The following RIOK2 variants were observed in gnomAD, a reference collection of about 807,000 sequenced individuals.
RIOK2 encodes the protein serine/threonine-protein kinase RIO2.
RIOK2 carries 46 observed loss-of-function variants against 62.4 expected under a neutral mutation model. The observed-to-expected ratio is 0.74, with a 90% CI of 0.58 to 0.94. The LOEUF (loss-of-function observed/expected upper bound fraction) is 0.94, where lower values mean the gene tolerates loss of function less well. Ranked by LOEUF, RIOK2 falls within the 40% of genes least tolerant of loss-of-function variation. The pLI is 0.00. For missense variants in RIOK2, 574 were observed against 658.0 expected, an observed-to-expected ratio of 0.87 and a Z score of 1.40; for synonymous variants, 197 against 216.0, an observed-to-expected ratio of 0.91 and a Z score of 0.77.
chr5:97,171,464 T>C (rs1300935976), intron 5 of RIOK2, 67 bp from the exon 6 acceptor site: 23 of 1,119,978 alleles, frequency 2.1e-5, no homozygotes, highest in Non-Finnish European at 4.9e-6. Context: ...AAAGTATGTA[T>C]GCATGTGAAC....
At chr5:97,179,987 TATAA>T (rs1490058637) in intron 1 of RIOK2, among the ~76,000 whole-genome samples, 99 of 50,450 alleles carry the variant, frequency 2.0e-3, no homozygotes, top group Non-Finnish European at 2.4e-3. Flanking sequence ...AATATATATA[TATAA>T]AATATATATA....
At position 97,165,076 on chromosome 5, in the gene RIOK2, G is replaced by A. The variant is rs1484374252; in HGVS notation, c.1469C>T (p.Ala490Val). ...RTLSITSSGS[A>V]VSCSTIPPEL... ...TGGAGGAATTGTTGAACAGCTTACA[G>A]CACTGCCTGAAGAAGTGATACTCAG... The change falls in exon 9 of 10, where the codon GCT becomes GTT. Residue 490 changes from alanine (A) to valine (V), a missense_variant. Ala to Val is a moderately conservative substitution (Grantham distance 64). Coordinates refer to ENST00000283109, the MANE Select transcript of RIOK2 (RefSeq NM_018343.3). The A allele has an allele frequency of 6.3e-7, 1 of 1,592,784 alleles. No homozygotes were observed. The highest frequency in any genetic ancestry group is 8.5e-7 in the Non-Finnish European group (1 of 1,169,682).
Position 97,179,080 on chromosome 5 carries a change from T to A in RIOK2, c.180A>T (p.Lys60Asn). 1.2e-6 allele frequency: 2 copies of A among 1,613,906 alleles called. No individual in the cohort carries two copies. The highest frequency in any genetic ancestry group is 1.7e-6 in the Non-Finnish European group (2 of 1,179,938). The change falls in exon 2 of 10, where the codon AAA (lysine) becomes AAT (asparagine). Residue 60 changes from lysine (K) to asparagine (N), a missense_variant. Transcript: ENST00000283109. ...NKVLRELVKH[K>N]LIAWERTKTV... ...TTTTGGTACGCTCCCAAGCTATGAG[T>A]TTATGTTTCACTAATTCTCTTAAAA... is the stretch of plus-strand genomic sequence containing the variant.
chr5:97,167,706 A>G lies in RIOK2; in HGVS notation c.1158T>C (p.Ala386=). Residue 386 remains alanine (A), a synonymous_variant, in exon 8 of 10, where the codon GCT becomes GCC. Transcript: ENST00000283109. ...IKEDSLSEES[A]DARSFEMTEF... is the part of the protein sequence containing the mutation. ...CAGTCATTTCAAAACTCCGTGCATC[A>G]GCACTCTCTTCTGATAAACTGTCTT... The G allele has an allele frequency of 1.2e-6, 2 of 1,614,178 alleles. No individual in the cohort carries two copies. The highest frequency in any genetic ancestry group is 2.2e-5 in the South Asian group (2 of 91,086).
intron 9 of RIOK2, among the ~76,000 whole-genome samples, chr5:97,163,874 C>G (rs1748769483): frequency 6.6e-6 from 1 of 152,008 alleles, no homozygotes; most frequent in Non-Finnish European, 1.5e-5. Context: ...CTGCAAAACT[C>G]TGCAAAGCCA....
chr5:97,183,011 C>T, intron 1 of RIOK2, 115 bp downstream of exon 1: 2 of 1,118,936 alleles, frequency 1.8e-6, no homozygotes, highest in South Asian at 1.2e-5. Context: ...TTCCCAGCTT[C>T]TGCCACGTCC....
chr5:97,177,663 A>G, intron 3 of RIOK2, 69 bp downstream of exon 3: 1 of 956,498 alleles, frequency 1.0e-6, no homozygotes. Flanking sequence ...TTAAAAGAGG[A>G]AAGGTTTCTG....
intron 1 of RIOK2, chr5:97,182,802 T>C: frequency 3.6e-6 from 1 of 278,918 alleles, no homozygotes; most frequent in Non-Finnish European, 7.0e-6. Flanking sequence ...GGCTTAAACC[T>C]TTCACAGCTG....
intron 1 of RIOK2, among the ~76,000 whole-genome samples, chr5:97,180,142 G>GTATGTATGTA (rs1350504483): frequency 1.0e-5 from 1 of 96,072 alleles, no homozygotes; most frequent in Non-Finnish European, 2.0e-5. Flanking sequence ...ATATATATAT[G>GTATGTATGTA]TATATATATA....
chr5:97,179,688 C>G (rs148871472), intron 1 of RIOK2, among the ~76,000 whole-genome samples: 2,076 of 150,690 alleles, frequency 0.014, 58 homozygotes, highest in African/African-American at 0.049. Context: ...TGGAAACCAT[C>G]ATTCTCAGAA....
intron 3 of RIOK2, among the ~76,000 whole-genome samples, 180 bp from the exon 4 acceptor site, chr5:97,177,471 A>G (rs919661797): frequency 1.3e-5 from 2 of 152,198 alleles, no homozygotes; most frequent in Admixed American, 6.5e-5. Context: ...ATTCTGGTAT[A>G]TTTGCACATA....
rs971458976 is a variant in RIOK2, at chr5:97,162,206, A to T, written c.*855T>A. 2.6e-5 allele frequency: 4 copies of T among 152,082 alleles called. No individual in the cohort carries two copies. Among genetic ancestry groups the T allele is most frequent in the African/African-American group, 9.7e-5 (4 of 41,398 alleles). The allele number at this position is 152,082 out of a possible 1,614,324, so 9.4% of individuals were successfully genotyped here. On this transcript the variant is annotated 3_prime_UTR_variant, in exon 10 of 10. Transcript: ENST00000283109. Reference sequence around the variant, plus strand: ...TTCCGACTTATGCGGCAATGAAGAGACAATAATCAGGTGCATACACTTAAG... The same window carrying T: ...TTCCGACTTATGCGGCAATGAAGAGTCAATAATCAGGTGCATACACTTAAG...
chr5:97,174,931 G>T (rs1307350770), intron 4 of RIOK2, among the ~76,000 whole-genome samples: 2 of 151,998 alleles, frequency 1.3e-5, no homozygotes, highest in Non-Finnish European at 2.9e-5. Flanking sequence ...GGTAGCACAT[G>T]CCTGTGATCC....
chr5:97,165,186 T>C, intron 8 of RIOK2, 39 bp from the exon 9 acceptor site: 2 of 1,022,558 alleles, frequency 2.0e-6, no homozygotes, highest in Non-Finnish European at 2.7e-6. Flanking sequence ...AGTTAATTTG[T>C]ATAATGTAAT....
In RIOK2 at chr5:97,173,249, C is replaced by T; in HGVS notation, c.513G>A (p.Arg171=). The T allele has an allele frequency of 6.2e-7, 1 of 1,612,610 alleles. No homozygotes were observed. The highest frequency in any genetic ancestry group is 2.2e-5 in the East Asian group (1 of 44,730). Residue 171 remains arginine, a synonymous_variant, in exon 5 of 10, where the codon AGG becomes AGA. Transcript: ENST00000283109. ...CAATTGGCTTTGGAACTGGAAATTT[C>T]CTCTCATACAATGCCTAAAATGTTG... The part of the protein sequence containing the change: ...EFAYMKALYE[R]KFPVPKPIDY...
intron 7 of RIOK2, 27 bp from the exon 8 acceptor site, chr5:97,168,018 A>T: frequency 6.5e-7 from 1 of 1,541,012 alleles, no homozygotes; most frequent in African/African-American, 1.4e-5. Flanking sequence ...TCAAGCATAG[A>T]AAGAGAGAAA....
Position 97,177,720 on chromosome 5 carries a change from A to G in RIOK2, c.322+12T>C. 6.8e-7 allele frequency: 1 copy of G among 1,466,706 alleles called. No individual in the cohort carries two copies. The highest frequency in any genetic ancestry group is 9.6e-7 in the Non-Finnish European group (1 of 1,046,152). The allele number at this position is 1,466,706 out of a possible 1,614,324, so 90.9% of individuals were successfully genotyped here. A position where few individuals can be genotyped will look rare whatever the true frequency, so the allele number is the denominator to read the frequency against. On this transcript the variant is annotated intron_variant, in intron 3 of 9. Transcript: ENST00000283109. ...CAAAGAAAATACTTTGCACAGTACT[A>G]TTAGCACTTACCTGATTCTTTGCCA...
At position 97,167,346 on chromosome 5, in the gene RIOK2, T is replaced by C. The variant is rs556266961; in HGVS notation, c.1397+121A>G. ...AAAAAATTATTTGGCTTTCATTTTA[T>C]ACATCAAGGTGGCAGAATACAATTT... On this transcript the variant is annotated intron_variant, in intron 8 of 9. Coordinates refer to ENST00000283109, the MANE Select transcript of RIOK2 (RefSeq NM_018343.3). The C allele has an allele frequency of 5.4e-6, 8 of 1,483,752 alleles. No individual in the cohort carries two copies. In the Admixed American group the frequency reaches 1.5e-4, roughly 28 times the overall value. 91.9% of individuals were successfully genotyped at this position (1,483,752 alleles called of 1,614,324 possible).
chr5:97,173,064 T>A (rs1404084590), intron 5 of RIOK2, 111 bp downstream of exon 5: 1 of 678,236 alleles, frequency 1.5e-6, no homozygotes, highest in African/African-American at 1.8e-5. Context: ...TTTAAATAAA[T>A]TTTAACCTCC....
Sources: gnomAD v4.1 joint callset for allele counts (sites outside exome capture counted in the v4.1 genomes callset) on GRCh38, gnomAD v4.1.1 for gene constraint, MANE v1.5 for transcripts, NCBI Gene and HGNC (gene_info 2026-07-23, HGNC 2026-07-21) for gene names.